GPC6: variants seen among roughly 807,000 people sequenced by gnomAD.
The protein encoded by GPC6 is glypican 6, also known as glypican-6.
GPC6 carries 14 observed loss-of-function variants against 55.2 expected under a neutral mutation model. The observed-to-expected ratio is 0.25, with a 90% CI of 0.17 to 0.40. The LOEUF (loss-of-function observed/expected upper bound fraction) is 0.40, where lower values mean the gene tolerates loss of function less well. GPC6 is among the 10% of genes least tolerant of loss of function. The pLI, the probability that GPC6 is intolerant of heterozygous loss-of-function variation, is 1.00. For synonymous variants in GPC6, 278 were observed against 259.6 expected, an observed-to-expected ratio of 1.07 and a Z score of -0.68; for missense variants, 641 against 708.5, an observed-to-expected ratio of 0.90 and a Z score of 1.08.
intron 1 of GPC6, among the ~76,000 whole-genome samples, chr13:93,438,061 G>T (rs1311359393): frequency 6.6e-6 from 1 of 152,146 alleles, no homozygotes; most frequent in Non-Finnish European, 1.5e-5. Context: ...GATTGACAGT[G>T]CACCTGTTTA....
At chr13:94,139,373 T>A (rs1016164606) in intron 4 of GPC6, among the ~76,000 whole-genome samples, 1 of 152,194 alleles carries the variant, frequency 6.6e-6, no homozygotes, top group South Asian at 2.1e-4. Context: ...GGCATAACTA[T>A]AGTATTTGTC....
intron 4 of GPC6, among the ~76,000 whole-genome samples, chr13:94,079,772 G>A (rs951697706): frequency 3.3e-5 from 5 of 152,134 alleles, no homozygotes; most frequent in African/African-American, 7.2e-5. Context: ...ACATTGCTGT[G>A]CAATTATTTC....
At chr13:93,274,074 G>A (rs900861088) in intron 1 of GPC6, among the ~76,000 whole-genome samples, 1 of 152,092 alleles carries the variant, frequency 6.6e-6, no homozygotes, top group Non-Finnish European at 1.5e-5. Flanking sequence ...GATTACAGGC[G>A]TGAGCCCCTG....
intron 2 of GPC6, among the ~76,000 whole-genome samples, chr13:93,592,117 T>C (rs1460031667): frequency 1.3e-5 from 2 of 152,026 alleles, no homozygotes; most frequent in Non-Finnish European, 2.9e-5. Flanking sequence ...CTCTGTTTAA[T>C]ATATTTGAGT....
intron 1 of GPC6, among the ~76,000 whole-genome samples, chr13:93,499,995 G>T (rs745625558): frequency 1.8e-4 from 27 of 152,138 alleles, no homozygotes; most frequent in Non-Finnish European, 1.2e-4. Flanking sequence ...ACTCTTCAAG[G>T]CTCACTTGGC....
At chr13:93,456,589 G>A (rs2139309155) in intron 1 of GPC6, among the ~76,000 whole-genome samples, 1 of 152,002 alleles carries the variant, frequency 6.6e-6, no homozygotes, top group South Asian at 2.1e-4. Context: ...CCGCAAACTG[G>A]GTGACTTAGC....
chr13:93,262,757 A>C (rs1399855942), intron 1 of GPC6, among the ~76,000 whole-genome samples: 1 of 152,092 alleles, frequency 6.6e-6, no homozygotes, highest in Non-Finnish European at 1.5e-5. Flanking sequence ...CAAATATATC[A>C]TACTTGATTT....
At chr13:93,309,225 A>T (rs7996507) in intron 1 of GPC6, among the ~76,000 whole-genome samples, 86,037 of 151,992 alleles carry the variant, frequency 0.57, 24,628 homozygotes, top group East Asian at 0.77. Context: ...TTCTTGATAT[A>T]ACAAATTGTG....
chr13:93,871,204 A>G (rs903731655), intron 3 of GPC6, among the ~76,000 whole-genome samples: 25 of 151,850 alleles, frequency 1.6e-4, no homozygotes, highest in African/African-American at 5.3e-4. Flanking sequence ...TGTCACTTAC[A>G]ATTTGTCTGA....
chr13:93,512,337 T>G (rs1360935282), intron 1 of GPC6, among the ~76,000 whole-genome samples: 1 of 152,114 alleles, frequency 6.6e-6, no homozygotes, highest in African/African-American at 2.4e-5. Flanking sequence ...TTTGTTATAT[T>G]GAGGTGTGTT....
At chr13:94,162,694 G>C (rs115046073) in intron 4 of GPC6, among the ~76,000 whole-genome samples, 1 of 152,046 alleles carries the variant, frequency 6.6e-6, no homozygotes, top group Non-Finnish European at 1.5e-5. Flanking sequence ...TAAGAATTTA[G>C]GAATTTGGGT....
chr13:93,794,279 C>G (rs1430236384), intron 2 of GPC6, among the ~76,000 whole-genome samples: 1 of 152,144 alleles, frequency 6.6e-6, no homozygotes, highest in East Asian at 1.9e-4. Context: ...GAAGATGTTA[C>G]TATATAGTGG....
At chr13:94,389,363 C>G (rs1012044284) in intron 7 of GPC6, among the ~76,000 whole-genome samples, 9 of 151,834 alleles carry the variant, frequency 5.9e-5, no homozygotes, top group African/African-American at 2.2e-4. Context: ...TGTACAGAAG[C>G]TAGAAAAGAA....
At chr13:93,762,137 T>A (rs1457582417) in intron 2 of GPC6, among the ~76,000 whole-genome samples, 5 of 152,204 alleles carry the variant, frequency 3.3e-5, no homozygotes, top group African/African-American at 1.2e-4. Context: ...TATTTGTCTT[T>A]CTGTCCCTGG....
At chr13:93,756,159 T>A (rs895950490) in intron 2 of GPC6, among the ~76,000 whole-genome samples, 8 of 152,166 alleles carry the variant, frequency 5.3e-5, no homozygotes, top group Non-Finnish European at 1.2e-4. Flanking sequence ...CTACGTAGGC[T>A]CCACCATGGT....
At chr13:94,112,595 T>C (rs1027861880) in intron 4 of GPC6, among the ~76,000 whole-genome samples, 4 of 152,192 alleles carry the variant, frequency 2.6e-5, no homozygotes, top group African/African-American at 9.6e-5. Flanking sequence ...TTGCATATTC[T>C]TTTCTTTTAG....
chr13:93,820,051 T>C (rs1233011383), intron 2 of GPC6, among the ~76,000 whole-genome samples: 1 of 152,192 alleles, frequency 6.6e-6, no homozygotes, highest in African/African-American at 2.4e-5. Context: ...CACTTGATTC[T>C]GAAAAATCCA....
At chr13:94,035,318 G>T (rs528211630) in intron 4 of GPC6, among the ~76,000 whole-genome samples, 64 of 53,816 alleles carry the variant, frequency 1.2e-3, no homozygotes, top group Non-Finnish European at 3.2e-3. Context: ...ATCTATTCCA[G>T]AAGGCCAGAA....
intron 1 of GPC6, among the ~76,000 whole-genome samples, chr13:93,363,948 T>G (rs986006843): frequency 3.9e-5 from 6 of 152,128 alleles, no homozygotes; most frequent in Non-Finnish European, 8.8e-5. Flanking sequence ...GAGAAGTGTC[T>G]GTTCATGTCC....
Sources: gnomAD v4.1 joint callset for allele counts (sites outside exome capture counted in the v4.1 genomes callset) on GRCh38, gnomAD v4.1.1 for gene constraint, MANE v1.5 for transcripts, NCBI Gene and HGNC (gene_info 2026-07-23, HGNC 2026-07-21) for gene names.